Variants in SLC1A3 observed in about 807,000 individuals in gnomAD.
SLC1A3 encodes excitatory amino acid transporter 1.
A neutral mutation model predicts 48.1 loss-of-function variants in SLC1A3; 21 were observed. The ratio of observed to expected loss-of-function variants is 0.44; its 90% CI spans 0.31 to 0.63. SLC1A3 has a LOEUF of 0.63. SLC1A3 is among the 20% of genes least tolerant of loss of function. The pLI is 0.08. For synonymous variants in SLC1A3, 239 were observed against 251.4 expected (o/e 0.95, Z 0.47); for missense variants, 546 against 689.0 (o/e 0.79, Z 2.32).
chr5:36,599,604 G>C (rs1239050025), intron 1 of SLC1A3, among the ~76,000 whole-genome samples: 1 of 138,906 alleles, frequency 7.2e-6, no homozygotes, highest in Non-Finnish European at 1.5e-5. Context: ...CCGCCTCCAG[G>C]GTTCAAGCGA....
At chr5:36,651,781 C>T (rs1579998303) in intron 3 of SLC1A3, among the ~76,000 whole-genome samples, 1 of 152,084 alleles carries the variant, frequency 6.6e-6, no homozygotes, top group Admixed American at 6.5e-5. Context: ...TGGGGACAGA[C>T]AGAAATCATC....
At chr5:36,602,340 A>C (rs1369311349), upstream of SLC1A3, among the ~76,000 whole-genome samples, 1 of 151,992 alleles carries the variant, frequency 6.6e-6, no homozygotes, top group Non-Finnish European at 1.5e-5. Flanking sequence ...GTAATAATAG[A>C]GTAGAATAGA....
Position 36,679,777 on chromosome 5 carries a change from C to A in SLC1A3, c.1011C>A (p.Tyr337Ter). 1 of 1,614,178 alleles carries A rather than the reference C, an allele frequency of 6.2e-7. No homozygotes were observed. The highest frequency in any genetic ancestry group is 8.5e-7 in the Non-Finnish European group (1 of 1,180,042). The change falls in exon 7 of 10, where the codon TAC becomes TAA. Residue 337 changes from tyrosine to a stop codon, truncating the protein, a stop_gained. Coordinates refer to ENST00000265113, the MANE Select transcript of SLC1A3 (RefSeq NM_004172.5). LOFTEE classifies it high-confidence loss of function. ...CAGTCATCGTCTTGCCACTCCTCTA[C>A]TTCTTGGTAACACGGAAAAACCCTT... ...IHAVIVLPLLYFLVTRKNPWV... is the reference protein window; with the variant it reads ...IHAVIVLPLL
chr5:36,670,693 C>T, intron 3 of SLC1A3: 2 of 403,484 alleles, frequency 5.0e-6, no homozygotes, highest in Non-Finnish European at 9.4e-6. Flanking sequence ...ACTACTCACA[C>T]TCATAGCTTC....
chr5:36,663,534 C>T (rs796760301), intron 3 of SLC1A3, among the ~76,000 whole-genome samples: 1 of 152,104 alleles, frequency 6.6e-6, no homozygotes, highest in South Asian at 2.1e-4. Flanking sequence ...AGCCACCGCG[C>T]CCGGCCCTGC....
chr5:36,679,898 A>G (rs1391801325), intron 7 of SLC1A3, 38 bp downstream of exon 7: 7 of 1,464,892 alleles, frequency 4.8e-6, no homozygotes, highest in Non-Finnish European at 5.7e-6. Flanking sequence ...CTGAAATGTT[A>G]CCTTGAACCA....
intron 3 of SLC1A3, among the ~76,000 whole-genome samples, chr5:36,654,553 C>G (rs188644585): frequency 6.6e-6 from 1 of 152,122 alleles, no homozygotes; most frequent in Non-Finnish European, 1.5e-5. Context: ...CTGTGGATGC[C>G]GATACACTTC....
Position 36,674,058 on chromosome 5 carries a change from C to T in SLC1A3, c.534C>T (p.Phe178=), listed in dbSNP as rs1742103937. 1 of 1,613,042 alleles carries T rather than the reference C, an allele frequency of 6.2e-7. No individual in the cohort carries two copies. The highest frequency in any genetic ancestry group is 1.1e-5 in the South Asian group (1 of 91,060). The change falls in exon 5 of 10, where the codon TTC becomes TTT. Residue 178 remains phenylalanine, a synonymous_variant. Transcript: ENST00000265113. ...ATTACTTTCTTTGCAGGAACATGTT[C>T]CCTCCAAATCTGGTAGAAGCCTGCT... ...DAFLDLIRNM[F]PPNLVEACFK...
At chr5:36,611,633 C>CA (rs1270600246) in intron 2 of SLC1A3, among the ~76,000 whole-genome samples, 2 of 152,272 alleles carry the variant, frequency 1.3e-5, no homozygotes, top group Admixed American at 1.3e-4. Context: ...AACACAGTGC[C>CA]AAGCTCCACA....
chr5:36,658,595 A>T (rs1257027174), intron 3 of SLC1A3, among the ~76,000 whole-genome samples: 4 of 152,150 alleles, frequency 2.6e-5, no homozygotes, highest in African/African-American at 9.7e-5. Context: ...GAGATTTTAG[A>T]TTTCTAAGCA....
intron 7 of SLC1A3, 39 bp downstream of exon 7, chr5:36,679,899 C>A: frequency 6.8e-7 from 1 of 1,462,808 alleles, no homozygotes; most frequent in Non-Finnish European, 9.6e-7. Context: ...TGAAATGTTA[C>A]CTTGAACCAG....
At position 36,677,188 on chromosome 5, in the gene SLC1A3, T is replaced by G. The variant is rs144407367; in HGVS notation, c.860+4T>G. The G allele has an allele frequency of 6.2e-7, 1 of 1,610,732 alleles. No homozygotes were observed. The highest frequency in any genetic ancestry group is 1.1e-5 in the South Asian group (1 of 91,012). ...GACTGGTAGCAGTAATAATGTGGTA[T>G]GTATTTCCATTTTCTATATATGTTA... On this transcript the variant is annotated splice_donor_region_variant and intron_variant, in intron 6 of 9. Coordinates refer to ENST00000265113, the MANE Select transcript of SLC1A3 (RefSeq NM_004172.5).
At chr5:36,659,511 C>T (rs969487524) in intron 3 of SLC1A3, among the ~76,000 whole-genome samples, 21 of 152,150 alleles carry the variant, frequency 1.4e-4, no homozygotes, top group African/African-American at 5.1e-4. Context: ...TCAAAAACAT[C>T]CATTTGCCAA....
At chr5:36,646,225 T>C (rs1740834548) in intron 3 of SLC1A3, among the ~76,000 whole-genome samples, 2 of 152,208 alleles carry the variant, frequency 1.3e-5, no homozygotes. Flanking sequence ...GGACAGATTA[T>C]TGGTCTGACG....
rs1047822508 is a variant in SLC1A3 at position 36,686,871 on chromosome 5, G to GTCC, written c.*605_*607dup. ...TCCCATCTCACCTCTAGGCCTCAGT[G>GTCC]TCCTCATCTATAAAATGAGGGACTT... On this transcript the variant is annotated 3_prime_UTR_variant, in exon 10 of 10. Coordinates refer to ENST00000265113, the MANE Select transcript of SLC1A3 (RefSeq NM_004172.5). 3 of 160,912 alleles carry GTCC rather than the reference G, an allele frequency of 1.9e-5. No homozygotes were observed. The highest frequency in any genetic ancestry group is 7.2e-5 in the African/African-American group (3 of 41,466). The allele number at this position is 160,912 out of a possible 1,614,324, so 10.0% of individuals were successfully genotyped here. A position where few individuals can be genotyped will look rare whatever the true frequency, so the allele number is the denominator to read the frequency against.
intron 6 of SLC1A3, among the ~76,000 whole-genome samples, chr5:36,678,509 A>T (rs147645839): frequency 1.3e-5 from 2 of 152,230 alleles, no homozygotes; most frequent in Non-Finnish European, 2.9e-5. Flanking sequence ...TTCTGAAAAC[A>T]GGTATTCCTA....
chr5:36,658,100 TAGAG>T (rs1299161714), intron 3 of SLC1A3, among the ~76,000 whole-genome samples: 2 of 152,022 alleles, frequency 1.3e-5, no homozygotes, highest in Non-Finnish European at 2.9e-5. Flanking sequence ...AAAATTTAAA[TAGAG>T]AGTCAGACAG....
rs79192621 is a variant in SLC1A3, at chr5:36,660,417, G to A, written c.320-10612G>A. On this transcript the variant is annotated intron_variant, in intron 3 of 9. Transcript: ENST00000265113. ...AGCTGAGAAGAAACTATGCACGTAAGTATTACAAAACTAAAGTAGAATGTG... is the reference window on the plus strand; with the variant it reads ...AGCTGAGAAGAAACTATGCACGTAAATATTACAAAACTAAAGTAGAATGTG... Among the ~76,000 whole-genome samples, 558 of 152,244 alleles carry A rather than the reference G, an allele frequency of 3.7e-3. 3 individuals are homozygous for A. The highest frequency in any genetic ancestry group is 0.013 in the African/African-American group (520 of 41,550).
intron 3 of SLC1A3, chr5:36,636,419 T>C (rs1178705062): frequency 1.3e-5 from 2 of 152,152 alleles, no homozygotes; most frequent in Non-Finnish European, 2.9e-5. Context: ...AATAACTCTA[T>C]TAGCAGAGAA....
Sources: gnomAD v4.1 joint callset for allele counts (sites outside exome capture counted in the v4.1 genomes callset) on GRCh38, gnomAD v4.1.1 for gene constraint, MANE v1.5 for transcripts, NCBI Gene and HGNC (gene_info 2026-07-23, HGNC 2026-07-21) for gene names.